WDR62: variants seen among roughly 807,000 people sequenced by gnomAD.
The protein encoded by WDR62 is WD repeat-containing protein 62.
WDR62 carries 112 observed loss-of-function variants against 160.6 expected under a neutral mutation model. The observed-to-expected ratio is 0.70, with a 90% CI of 0.60 to 0.82. The LOEUF is 0.82. Among genes scored for constraint, WDR62 ranks in the 40% least tolerant of loss-of-function variants. WDR62 has a pLI of 0.00. For missense variants in WDR62, 1,819 were observed against 1,983.8 expected (o/e 0.92, Z 1.58); for synonymous variants, 792 against 815.1 (o/e 0.97, Z 0.48).
intron 20 of WDR62, among the ~76,000 whole-genome samples, chr19:36,095,614 T>C (rs966917223): frequency 6.6e-6 from 1 of 152,126 alleles, no homozygotes; most frequent in Non-Finnish European, 1.5e-5. Flanking sequence ...GCCAACATGG[T>C]GAAACCCCAT....
chr19:36,103,755 G>A lies in WDR62; in HGVS notation c.3927G>A (p.Leu1309=). The A allele has an allele frequency of 1.2e-6, 2 of 1,611,346 alleles. No homozygotes were observed. The highest frequency in any genetic ancestry group is 4.5e-5 in the East Asian group (2 of 44,852). ...LTLSSACDGL[L]QPPVDTQPGV... ...TGTCAAGTGCCTGTGATGGGCTCCTGCAGCCCCCCGTGGATACCCAGCCTG... is the reference window on the plus strand; with the variant it reads ...TGTCAAGTGCCTGTGATGGGCTCCTACAGCCCCCCGTGGATACCCAGCCTG... The change falls in exon 30 of 32, where the codon CTG becomes CTA. Residue 1309 remains leucine (L), a synonymous_variant. Transcript: ENST00000401500.
rs537771936 is a variant in WDR62 at position 36,073,538 on chromosome 19, C to G, written c.1233+7C>G. 2.3e-4 allele frequency: 251 copies of G among 1,097,322 alleles called. 1 individual carries two copies. The highest frequency in any genetic ancestry group is 2.5e-4 in the South Asian group (20 of 81,436). The allele number at this position is 1,097,322 out of a possible 1,614,324, so 68.0% of individuals were successfully genotyped here. A position where few individuals can be genotyped will look rare whatever the true frequency, so the allele number is the denominator to read the frequency against. On this transcript the variant is annotated splice_region_variant and intron_variant, in intron 9 of 31. Coordinates refer to ENST00000401500, the MANE Select transcript of WDR62 (RefSeq NM_001083961.2). ...CTACGTTTGGAACGTGGAGGTGAGCCCCCCCCCCACCCCCTTGCCCCTGCT... is the reference window on the plus strand; with the variant it reads ...CTACGTTTGGAACGTGGAGGTGAGCGCCCCCCCCACCCCCTTGCCCCTGCT...
At chr19:36,062,029 T>A (rs1970677445) in intron 3 of WDR62, 1 of 151,920 alleles carries the variant, frequency 6.6e-6, no homozygotes. Context: ...TCACTGCAAC[T>A]TCCACCTCCC....
Position 36,058,778 on chromosome 19 carries a change from A to G in WDR62, c.178-2A>G. On this transcript the variant is annotated splice_acceptor_variant, in intron 1 of 31. Transcript: ENST00000401500. LOFTEE classifies it high-confidence loss of function. ...CCTCTGACTTGGGCTTTTTCTTTGC[A>G]GGTGTCACTCGAGAAGGTGCTTGGC... 6.2e-7 allele frequency: 1 copy of G among 1,613,858 alleles called. No homozygotes were observed. The highest frequency in any genetic ancestry group is 1.1e-5 in the South Asian group (1 of 91,068).
Position 36,073,533 on chromosome 19 carries a change from T to TGCGGGG in WDR62, c.1233+3_1233+4insCGGGGG. ...AGCTCCTACGTTTGGAACGTGGAGG[T>TGCGGGG]GAGCCCCCCCCCCACCCCCTTGCCC... On this transcript the variant is annotated splice_region_variant and intron_variant, in intron 9 of 31. Transcript: ENST00000401500. 6.2e-7 allele frequency: 1 copy of TGCGGGG among 1,607,366 alleles called. No homozygotes were observed.
At chr19:36,070,217 G>A (rs1971224266) in intron 7 of WDR62, 1 of 141,108 alleles carries the variant, frequency 7.1e-6, no homozygotes, top group African/African-American at 2.7e-5. Context: ...GGAGTGCAGT[G>A]GCGCAATCTC....
At chr19:36,105,982 A>ATTACAG, downstream of WDR62, among the ~76,000 whole-genome samples, 1 of 152,178 alleles carries the variant, frequency 6.6e-6, no homozygotes, top group Non-Finnish European at 1.5e-5. Context: ...TACAGGCATG[A>ATTACAG]GCCACCGCAC....
chr19:36,081,242 C>CT (rs1157046273), intron 9 of WDR62, among the ~76,000 whole-genome samples, 191 bp from the exon 10 acceptor site: 3 of 152,190 alleles, frequency 2.0e-5, no homozygotes, highest in Non-Finnish European at 2.9e-5. Flanking sequence ...AAGGCCTAGG[C>CT]TGAAGGTGGG....
At chr19:36,058,302 A>C (rs531206598) in intron 1 of WDR62, among the ~76,000 whole-genome samples, 6 of 152,222 alleles carry the variant, frequency 3.9e-5, no homozygotes, top group Admixed American at 3.9e-4. Context: ...CAATGAGCCA[A>C]GATCTCACCA....
At chr19:36,098,273 A>G (rs934299466) in intron 21 of WDR62, among the ~76,000 whole-genome samples, 2 of 152,104 alleles carry the variant, frequency 1.3e-5, no homozygotes, top group Non-Finnish European at 1.5e-5. Context: ...TAAAAAAAAA[A>G]AAAGAAAAAG....
At chr19:36,071,535 G>A in intron 7 of WDR62, 21 bp from the exon 8 acceptor site, 5 of 1,614,138 alleles carry the variant, frequency 3.1e-6, no homozygotes, top group Non-Finnish European at 4.2e-6. Flanking sequence ...AAATCCACTG[G>A]GGTCCCTTTT....
rs369967902 is a variant in WDR62, at chr19:36,077,522, C to T, written c.1234-3911C>T. ...GTCTCGATCTCCTGACCTCGTGATC[C>T]GCCCACCTCAGCCTCCCAAAGTGGT... is the stretch of plus-strand genomic sequence containing the variant. On this transcript the variant is annotated intron_variant, in intron 9 of 31. Coordinates refer to ENST00000401500, the MANE Select transcript of WDR62 (RefSeq NM_001083961.2). 5.9e-5 allele frequency among the ~76,000 whole-genome samples: 9 copies of T among 152,098 alleles called. No individual in the cohort carries two copies. The South Asian group carries it at 1.7e-3, about 28-fold the overall frequency.
chr19:36,079,970 TTCC>T (rs1971794532), intron 9 of WDR62, among the ~76,000 whole-genome samples: 1 of 152,230 alleles, frequency 6.6e-6, no homozygotes, highest in African/African-American at 2.4e-5. Flanking sequence ...GTTCTCAATC[TTCC>T]GTATTTTGAA....
chr19:36,086,862 A>G lies in WDR62; in HGVS notation c.1768+50A>G, dbSNP rs571740887. The G allele has an allele frequency of 2.1e-5, 34 of 1,589,958 alleles. No homozygotes were observed. In the African/African-American group the frequency reaches 4.3e-4, roughly 20 times the overall value. Reference sequence around the variant, plus strand: ...TGCGCCTTGCTAGCTACCCTGCTAAAAAAGGATTCATTCTTTCAACTCTCC... The same window carrying G: ...TGCGCCTTGCTAGCTACCCTGCTAAGAAAGGATTCATTCTTTCAACTCTCC... On this transcript the variant is annotated intron_variant, in intron 13 of 31. Transcript: ENST00000401500.
chr19:36,103,908 C>T lies in WDR62; in HGVS notation c.4080C>T (p.Pro1360=), dbSNP rs1165406601. The T allele has an allele frequency of 2.5e-6, 4 of 1,599,440 alleles. No individual in the cohort carries two copies. Among genetic ancestry groups the T allele is most frequent in the South Asian group, 1.1e-5 (1 of 91,086 alleles). Residue 1360 remains proline (P), a synonymous_variant, in exon 30 of 32, where the codon CCC becomes CCT. Transcript: ENST00000401500. ...AGTCCCCTGGCCTTCCTGCCCACCCCAGTAACCCCCAGCTTCCAGAGGCCC... is the reference window on the plus strand; with the variant it reads ...AGTCCCCTGGCCTTCCTGCCCACCCTAGTAACCCCCAGCTTCCAGAGGCCC... ...APESPGLPAH[P]SNPQLPEARP...
intron 25 of WDR62, 93 bp from the exon 26 acceptor site, chr19:36,101,921 G>A (rs1422462129): frequency 6.3e-7 from 1 of 1,592,928 alleles, no homozygotes; most frequent in Non-Finnish European, 8.6e-7. Flanking sequence ...CAACAGGGCA[G>A]GGATGGGTGG....
In WDR62 at chr19:36,082,977, C is replaced by T. The variant is rs75451177; in HGVS notation, c.1372-86C>T. On this transcript the variant is annotated intron_variant, in intron 10 of 31. Coordinates refer to ENST00000401500, the MANE Select transcript of WDR62 (RefSeq NM_001083961.2). Reference sequence around the variant, plus strand: ...CTCAAAATTAGAGTTGTATTACTAACGAAGAAGAGACTGGCTATGGAGGGA... The same window carrying T: ...CTCAAAATTAGAGTTGTATTACTAATGAAGAAGAGACTGGCTATGGAGGGA... The T allele has an allele frequency of 3.0e-4, 366 of 1,224,936 alleles. 3 individuals carry two copies. The East Asian group carries it at 8.1e-3, about 27-fold the overall frequency. The allele number at this position is 1,224,936 out of a possible 1,614,324, so 75.9% of individuals were successfully genotyped here.
chr19:36,066,761 G>T (rs1970965231), intron 5 of WDR62, among the ~76,000 whole-genome samples: 1 of 152,218 alleles, frequency 6.6e-6, no homozygotes, highest in Admixed American at 6.5e-5. Flanking sequence ...AGCACTGGAA[G>T]GCTGGGCTTT....
Position 36,066,419 on chromosome 19 carries a change from G to T in WDR62, c.553G>T (p.Asp185Tyr). Reference sequence around the variant, plus strand: ...ACATGACATGGTGCTCAACGTCTGGGACTGGAAGGTAAGAGCCGACCAGCA... The same window carrying T: ...ACATGACATGGTGCTCAACGTCTGGTACTGGAAGGTAAGAGCCGACCAGCA... ...YQHDMVLNVW[D>Y]WKKDIVVASN... is the part of the protein sequence containing the mutation. Residue 185 changes from aspartate (D) to tyrosine (Y), a missense_variant, in exon 5 of 32, where the codon GAC (aspartate) becomes TAC (tyrosine). Transcript: ENST00000401500. The T allele has an allele frequency of 6.2e-7, 1 of 1,601,162 alleles. No homozygotes were observed. Among genetic ancestry groups the T allele is most frequent in the South Asian group, 1.1e-5 (1 of 89,188 alleles).
Sources: allele counts gnomAD v4.1 joint callset (sites outside exome capture counted in the v4.1 genomes callset), GRCh38; gene constraint gnomAD v4.1.1; transcripts MANE v1.5; gene names NCBI Gene and HGNC (gene_info 2026-07-23, HGNC 2026-07-21).